Variants in UGP2 observed in about 807,000 individuals in gnomAD.
UGP2 encodes UTP--glucose-1-phosphate uridylyltransferase.
UGP2 carries 40 observed loss-of-function variants against 49.0 expected under a neutral mutation model. The observed-to-expected ratio is 0.82, with a 90% CI of 0.63 to 1.06. The LOEUF (loss-of-function observed/expected upper bound fraction) is 1.06, where lower values mean the gene tolerates loss of function less well. Ranked by LOEUF, UGP2 falls within the 50% of genes least tolerant of loss-of-function variation. The pLI is 0.00. For missense variants in UGP2, 460 were observed against 603.5 expected, an observed-to-expected ratio of 0.76 and a Z score of 2.49; for synonymous variants, 225 against 213.0, an observed-to-expected ratio of 1.06 and a Z score of -0.49.
intron 5 of UGP2, among the ~76,000 whole-genome samples, chr2:63,884,889 C>G (rs1422796479): frequency 6.6e-6 from 1 of 151,226 alleles, no homozygotes; most frequent in Non-Finnish European, 1.5e-5. Context: ...AGAGCAAGAC[C>G]CTATCTCAAA....
chr2:63,890,024 C>T, intron 8 of UGP2, 57 bp from the exon 9 acceptor site: 2 of 1,308,856 alleles, frequency 1.5e-6, no homozygotes, highest in Non-Finnish European at 2.2e-6. Context: ...TAATATTTTT[C>T]CTGTCTTTCT....
At position 63,885,810 on chromosome 2, in the gene UGP2, A is replaced by C. The variant is rs2104360825; in HGVS notation, c.797A>C (p.His266Pro). ...GATVDLYILN[H>P]LMNPPNGKRC... ...ACAGTGGATCTGTATATTCTTAATC[A>C]TCTAATGAACCCACCCAATGGAAAA... is the stretch of plus-strand genomic sequence containing the variant. Residue 266 changes from histidine to proline, a missense_variant, in exon 6 of 10, where the codon CAT (histidine) becomes CCT (proline). His to Pro is a moderately conservative substitution (Grantham distance 77, BLOSUM62 -2). This residue lies in a region of UGP2 where 317 missense variants were observed against 473.0 expected (regional missense o/e 0.67). Coordinates refer to ENST00000337130, the MANE Select transcript of UGP2 (RefSeq NM_006759.4). 4 of 1,612,072 alleles carry C rather than the reference A, an allele frequency of 2.5e-6. No individual in the cohort carries two copies. In the South Asian group the frequency reaches 3.3e-5, roughly 13 times the overall value.
intron 5 of UGP2, 157 bp downstream of exon 5, chr2:63,884,250 A>G (rs934569139): frequency 2.3e-6 from 2 of 865,238 alleles, no homozygotes; most frequent in Non-Finnish European, 3.5e-6. Context: ...TTGATATGTG[A>G]TTGTTATAAT....
At chr2:63,877,151 A>T (rs1296824615) in intron 3 of UGP2, among the ~76,000 whole-genome samples, 1 of 152,278 alleles carries the variant, frequency 6.6e-6, no homozygotes, top group Non-Finnish European at 1.5e-5. Context: ...CAGCATGGTT[A>T]TCTGGTAGAT....
chr2:63,889,709 A>G (rs1369441042), intron 8 of UGP2: 1 of 164,570 alleles, frequency 6.1e-6, no homozygotes, highest in African/African-American at 2.4e-5. Context: ...CGACCTATCC[A>G]CTAAAGTCCA....
At chr2:63,857,804 G>A (rs988748290) in intron 2 of UGP2, 25 bp from the exon 3 acceptor site, 1 of 1,591,812 alleles carries the variant, frequency 6.3e-7, no homozygotes, top group Non-Finnish European at 8.6e-7. Flanking sequence ...TCTGCTGGTT[G>A]TAACAATGAC....
chr2:63,887,358 C>T (rs554798867), intron 7 of UGP2, 44 bp from the exon 8 acceptor site: 5 of 1,610,442 alleles, frequency 3.1e-6, no homozygotes, highest in East Asian at 4.5e-5. Flanking sequence ...GTTGTAGGTG[C>T]CTAAAACCTC....
intron 3 of UGP2, among the ~76,000 whole-genome samples, chr2:63,868,795 GA>G (rs1347653413): frequency 6.6e-6 from 1 of 151,932 alleles, no homozygotes; most frequent in African/African-American, 2.4e-5. Flanking sequence ...CCAACATGGT[GA>G]AACCCCATCT....
In UGP2 at chr2:63,891,109, C is replaced by G. The variant is rs1292789796; in HGVS notation, c.1420-11C>G. On this transcript the variant is annotated splice_polypyrimidine_tract_variant and intron_variant, in intron 9 of 9. Coordinates refer to ENST00000337130, the MANE Select transcript of UGP2 (RefSeq NM_006759.4). ...TTGCAAGTACACTCTTTTGTTTTCCCTGTCACTTAGGGAACGGTTATCATC... is the reference window on the plus strand; with the variant it reads ...TTGCAAGTACACTCTTTTGTTTTCCGTGTCACTTAGGGAACGGTTATCATC... 1 of 1,607,572 alleles carries G rather than the reference C, an allele frequency of 6.2e-7. No individual in the cohort carries two copies. The highest frequency in any genetic ancestry group is 1.7e-5 in the Admixed American group (1 of 59,352).
chr2:63,887,674 T>C, intron 8 of UGP2, 30 bp downstream of exon 8: 2 of 1,607,816 alleles, frequency 1.2e-6, no homozygotes, highest in South Asian at 1.1e-5. Flanking sequence ...TGTGAGTTCA[T>C]ATTTCTTAAA....
At chr2:63,855,899 C>T in intron 1 of UGP2, 1 of 227,506 alleles carries the variant, frequency 4.4e-6, no homozygotes, top group Non-Finnish European at 8.9e-6. Context: ...ATTTCCGTCA[C>T]CTTTAGTGAG....
intron 1 of UGP2, among the ~76,000 whole-genome samples, chr2:63,847,360 G>A (rs1672003985): frequency 6.6e-6 from 1 of 152,114 alleles, no homozygotes; most frequent in South Asian, 2.1e-4. Flanking sequence ...GGGATACTTA[G>A]ATTGTGTGAG....
At chr2:63,854,733 A>G (rs1202949925) in intron 1 of UGP2, 1 of 152,224 alleles carries the variant, frequency 6.6e-6, no homozygotes, top group Non-Finnish European at 1.5e-5. Context: ...GCTTGTTGTA[A>G]TGTTCTTTTG....
chr2:63,861,240 A>C (rs1248570372), intron 3 of UGP2, among the ~76,000 whole-genome samples: 1 of 151,488 alleles, frequency 6.6e-6, no homozygotes, highest in Non-Finnish European at 1.5e-5. Context: ...TTATTTGACC[A>C]TTTCATTGTT....
intron 1 of UGP2, among the ~76,000 whole-genome samples, chr2:63,844,077 TA>T (rs1424964766): frequency 6.6e-6 from 1 of 152,236 alleles, no homozygotes; most frequent in Admixed American, 6.5e-5. Context: ...ATTTTTACTT[TA>T]AATGGTAGTT....
At chr2:63,873,214 C>T (rs1467715460) in intron 3 of UGP2, among the ~76,000 whole-genome samples, 1 of 152,074 alleles carries the variant, frequency 6.6e-6, no homozygotes, top group African/African-American at 2.4e-5. Flanking sequence ...CACTTGTGAC[C>T]ATCAAAAAGA....
At chr2:63,877,132 A>G (rs1301253024) in intron 3 of UGP2, among the ~76,000 whole-genome samples, 1 of 152,284 alleles carries the variant, frequency 6.6e-6, no homozygotes, top group African/African-American at 2.4e-5. Flanking sequence ...TGCAAGAACA[A>G]TAGTTCATCA....
At chr2:63,880,987 A>G (rs537935637) in intron 3 of UGP2, among the ~76,000 whole-genome samples, 2 of 152,328 alleles carry the variant, frequency 1.3e-5, no homozygotes, top group African/African-American at 4.8e-5. Context: ...AGCACTTACC[A>G]GGAAGATTGA....
rs757347452 is a variant in UGP2 at position 63,884,102 on chromosome 2, A to T, written c.575+9A>T. On this transcript the variant is annotated intron_variant, in intron 5 of 9. Transcript: ENST00000337130. ...ACTTTCAATCAAAGCAGGTACAATG[A>T]GTAAAAAATTAACTCTGGGTATGTT... 6.2e-7 allele frequency: 1 copy of T among 1,611,088 alleles called. No individual in the cohort carries two copies. The highest frequency in any genetic ancestry group is 1.3e-5 in the African/African-American group (1 of 74,804).
Sources: gnomAD v4.1 joint callset for allele counts (sites outside exome capture counted in the v4.1 genomes callset) on GRCh38, gnomAD v4.1.1 for gene constraint, gnomAD v4.1.1 regional missense constraint, MANE v1.5 for transcripts, NCBI Gene and HGNC (gene_info 2026-07-23, HGNC 2026-07-21) for gene names.